The following FRMPD1 variants were observed in gnomAD, a reference collection of about 807,000 sequenced individuals.
FRMPD1 encodes FERM and PDZ domain-containing protein 1.
A neutral mutation model predicts 117.8 loss-of-function variants in FRMPD1; 76 were observed. The observed-to-expected ratio is 0.65, with a 90% CI of 0.54 to 0.78. The LOEUF (loss-of-function observed/expected upper bound fraction) is 0.78. FRMPD1 is among the 30% of genes least tolerant of loss of function. FRMPD1 has a pLI of 0.00. For missense variants in FRMPD1, 1,786 were observed against 1,964.5 expected, an observed-to-expected ratio of 0.91 and a Z score of 1.72; for synonymous variants, 783 against 770.4, an observed-to-expected ratio of 1.02 and a Z score of -0.27.
At chr9:37,734,631 T>G (rs2118419695) in intron 12 of FRMPD1, among the ~76,000 whole-genome samples, 1 of 152,196 alleles carries the variant, frequency 6.6e-6, no homozygotes. Flanking sequence ...TTTCAAAAGA[T>G]TTGGTATGCA....
chr9:37,740,897 T>A lies in FRMPD1; in HGVS notation c.2356+13T>A. 2 of 1,607,264 alleles carry A rather than the reference T, an allele frequency of 1.2e-6. No individual in the cohort carries two copies. Among genetic ancestry groups the A allele is most frequent in the Non-Finnish European group, 1.7e-6 (2 of 1,173,782 alleles). Reference sequence around the variant, plus strand: ...GGCCCCCCGTCAGGTGAGCCGTCCCTTGCAGGTCTGCAGACACGGCAGGCA... The same window carrying A: ...GGCCCCCCGTCAGGTGAGCCGTCCCATGCAGGTCTGCAGACACGGCAGGCA... On this transcript the variant is annotated intron_variant, in intron 15 of 15. Coordinates refer to ENST00000377765, the MANE Select transcript of FRMPD1 (RefSeq NM_014907.3). The surrounding 1 kb of genome is among the most constrained non-coding windows in gnomAD (Gnocchi z 4.2).
At chr9:37,620,099 C>T in the FRMPD1 span, among the ~76,000 whole-genome samples, 1 of 152,124 alleles carries the variant, frequency 6.6e-6, no homozygotes, top group African/African-American at 2.4e-5. Context: ...AACACAAAGA[C>T]CAGTCCAATG....
At chr9:37,625,768 G>T in the FRMPD1 span, among the ~76,000 whole-genome samples, 1 of 152,220 alleles carries the variant, frequency 6.6e-6, no homozygotes, top group Non-Finnish European at 1.5e-5. Flanking sequence ...TATTTCAGGG[G>T]GTGGAGTGGT....
intron 5 of FRMPD1, among the ~76,000 whole-genome samples, chr9:37,712,115 T>A (rs1822929139): frequency 6.6e-6 from 1 of 152,174 alleles, no homozygotes; most frequent in African/African-American, 2.4e-5. Flanking sequence ...ATAATCTAAT[T>A]TAATTGACCA....
intron 8 of FRMPD1, among the ~76,000 whole-genome samples, chr9:37,730,392 CT>C (rs1823817581): frequency 6.6e-6 from 1 of 152,196 alleles, no homozygotes; most frequent in Non-Finnish European, 1.5e-5. Context: ...CTTTGTGAGT[CT>C]GTTACAAAGA....
chr9:37,628,850 A>T, the FRMPD1 span, among the ~76,000 whole-genome samples: 1 of 152,184 alleles, frequency 6.6e-6, no homozygotes, highest in African/African-American at 2.4e-5. Flanking sequence ...AGTGATTCTA[A>T]GTGTGTGGTC....
chr9:37,665,969 G>A (rs1466761877), intron 1 of FRMPD1, among the ~76,000 whole-genome samples: 3 of 152,068 alleles, frequency 2.0e-5, no homozygotes, highest in Non-Finnish European at 2.9e-5. Flanking sequence ...ATCAGAGTTG[G>A]GTAGAATCAC....
chr9:37,694,482 C>T (rs1037285727), intron 2 of FRMPD1, among the ~76,000 whole-genome samples: 2 of 152,160 alleles, frequency 1.3e-5, no homozygotes, highest in Non-Finnish European at 2.9e-5. Flanking sequence ...TAAAAAGAAA[C>T]CCTGTGCCCT....
At chr9:37,683,194 G>T (rs1821790424) in intron 1 of FRMPD1, among the ~76,000 whole-genome samples, 1 of 152,122 alleles carries the variant, frequency 6.6e-6, no homozygotes, top group Non-Finnish European at 1.5e-5. Flanking sequence ...ATGCTTTCAA[G>T]GTTCATCCAT....
the FRMPD1 span, among the ~76,000 whole-genome samples, chr9:37,612,493 C>T: frequency 1.4e-5 from 2 of 147,556 alleles, no homozygotes; most frequent in Non-Finnish European, 3.0e-5. Flanking sequence ...GGATTACAGG[C>T]ATGCACCACC....
intron 15 of FRMPD1, among the ~76,000 whole-genome samples, chr9:37,743,874 G>A (rs1284866842): frequency 2.0e-5 from 3 of 150,498 alleles, no homozygotes; most frequent in Non-Finnish European, 4.4e-5. Context: ...TAGCCTGGGG[G>A]ACAGAGTGAG....
intron 2 of FRMPD1, among the ~76,000 whole-genome samples, chr9:37,706,762 C>T (rs1295829664): frequency 6.6e-6 from 1 of 152,124 alleles, no homozygotes; most frequent in African/African-American, 2.4e-5. Flanking sequence ...CATAAAGAAA[C>T]AAAGAAAAAC....
upstream of FRMPD1, among the ~76,000 whole-genome samples, chr9:37,649,321 G>A (rs1372494260): frequency 6.6e-6 from 1 of 152,192 alleles, no homozygotes; most frequent in Non-Finnish European, 1.5e-5. Context: ...CAGAATACTT[G>A]ATTTTTAAAA....
At chr9:37,625,049 T>C in the FRMPD1 span, among the ~76,000 whole-genome samples, 3 of 152,170 alleles carry the variant, frequency 2.0e-5, no homozygotes, top group South Asian at 6.2e-4. Flanking sequence ...CAAAGAAAAA[T>C]GTCTTCAGAT....
Position 37,746,724 on chromosome 9 carries a change from C to T in FRMPD1, c.4692C>T (p.Ala1564=), listed in dbSNP as rs771002723. 5.0e-6 allele frequency: 8 copies of T among 1,613,976 alleles called. No homozygotes were observed. The highest frequency in any genetic ancestry group is 2.2e-5 in the South Asian group (2 of 91,084). The change falls in exon 16 of 16, where the codon GCC becomes GCT. Residue 1564 remains alanine (A), a synonymous_variant. Coordinates refer to ENST00000377765, the MANE Select transcript of FRMPD1 (RefSeq NM_014907.3). ...LARQCTALTA[A]VFCLTQKFRA... ...GTCAGTGCACGGCCCTCACGGCCGCCGTGTTCTGTTTGACCCAGAAGTTCC... is the reference window on the plus strand; with the variant it reads ...GTCAGTGCACGGCCCTCACGGCCGCTGTGTTCTGTTTGACCCAGAAGTTCC...
chr9:37,663,467 A>T (rs998941198), intron 1 of FRMPD1, among the ~76,000 whole-genome samples: 1 of 152,202 alleles, frequency 6.6e-6, no homozygotes, highest in Non-Finnish European at 1.5e-5. Flanking sequence ...TGTTGTTCTC[A>T]TGCCTTAATA....
the FRMPD1 span, among the ~76,000 whole-genome samples, chr9:37,621,938 G>T: frequency 1.3e-5 from 2 of 152,196 alleles, no homozygotes; most frequent in East Asian, 1.9e-4. Context: ...GTAAGAGGAA[G>T]TCAGTTTGAC....
the FRMPD1 span, among the ~76,000 whole-genome samples, chr9:37,638,000 C>A: frequency 2.4e-5 from 3 of 125,966 alleles, no homozygotes; most frequent in South Asian, 2.7e-4. Flanking sequence ...TTCTTTCTTT[C>A]TTTCTTTCTT....
chr9:37,696,589 G>T (rs1275996454), intron 2 of FRMPD1, among the ~76,000 whole-genome samples: 1 of 152,156 alleles, frequency 6.6e-6, no homozygotes, highest in African/African-American at 2.4e-5. Flanking sequence ...AAACATGTGG[G>T]AAAATTAAAC....
Sources: gnomAD v4.1 joint callset for allele counts (sites outside exome capture counted in the v4.1 genomes callset) on GRCh38, gnomAD v4.1.1 for gene constraint, Gnocchi (gnomAD v3.1) non-coding constraint, MANE v1.5 for transcripts, NCBI Gene and HGNC (gene_info 2026-07-23, HGNC 2026-07-21) for gene names.